SOX5: variants seen among roughly 807,000 people sequenced by gnomAD.
SOX5 encodes SRY-box transcription factor 5.
SOX5 carries 9 observed loss-of-function variants against 92.0 expected under a neutral mutation model. That is an observed-to-expected ratio of 0.10 (90% confidence interval 0.06 to 0.17). The LOEUF (loss-of-function observed/expected upper bound fraction) is 0.17, where lower values mean the gene tolerates loss of function less well. Among genes scored for constraint, SOX5 ranks in the 10% least tolerant of loss-of-function variants. The pLI is 1.00. For synonymous variants in SOX5, 344 were observed against 336.3 expected (o/e 1.02, Z -0.25); for missense variants, 642 against 944.5 (o/e 0.68, Z 4.20).
At chr12:23,779,724 A>G (rs2095221486) in intron 3 of SOX5, among the ~76,000 whole-genome samples, 1 of 148,886 alleles carries the variant, frequency 6.7e-6, no homozygotes, top group African/African-American at 2.5e-5. Flanking sequence ...GATCTCAAAC[A>G]TATGGCTTTG....
At chr12:23,986,598 G>C (rs1950085487) in intron 4 of SOX5, among the ~76,000 whole-genome samples, 1 of 152,126 alleles carries the variant, frequency 6.6e-6, no homozygotes, top group Admixed American at 6.6e-5. Flanking sequence ...TTAAAATGCA[G>C]TCAATCAACC....
chr12:24,126,086 T>G (rs1949078381), intron 4 of SOX5, among the ~76,000 whole-genome samples: 1 of 152,178 alleles, frequency 6.6e-6, no homozygotes, highest in South Asian at 2.1e-4. Flanking sequence ...TCCTCTAGCC[T>G]TCTCTGTAAA....
chr12:23,740,087 A>G (rs2140987999), intron 5 of SOX5, among the ~76,000 whole-genome samples: 1 of 152,298 alleles, frequency 6.6e-6, no homozygotes, highest in Middle Eastern at 3.4e-3. Context: ...AGTTTAAACC[A>G]CCATTTCTCT....
chr12:24,135,141 C>G (rs1452693306), intron 4 of SOX5, among the ~76,000 whole-genome samples: 1 of 152,214 alleles, frequency 6.6e-6, no homozygotes. Context: ...CACTCTACCC[C>G]AGACCTGCTC....
intron 4 of SOX5, among the ~76,000 whole-genome samples, chr12:23,986,663 G>T (rs1344912386): frequency 6.6e-6 from 1 of 152,130 alleles, no homozygotes; most frequent in Non-Finnish European, 1.5e-5. Context: ...TATCATGGAC[G>T]TGAATGATTT....
chr12:23,616,020 A>G (rs1337848966), intron 8 of SOX5, among the ~76,000 whole-genome samples: 2 of 152,200 alleles, frequency 1.3e-5, no homozygotes, highest in Non-Finnish European at 2.9e-5. Flanking sequence ...TACTTACACA[A>G]AAAGTAATTT....
At chr12:24,289,432 C>A (rs1039715709) in intron 2 of SOX5, among the ~76,000 whole-genome samples, 1 of 151,148 alleles carries the variant, frequency 6.6e-6, no homozygotes, top group East Asian at 2.0e-4. Flanking sequence ...TTCTTCAGGA[C>A]GGTCTTAAGG....
At chr12:23,631,126 T>C (rs2138412155) in intron 8 of SOX5, among the ~76,000 whole-genome samples, 1 of 152,136 alleles carries the variant, frequency 6.6e-6, no homozygotes, top group African/African-American at 2.4e-5. Context: ...TTAAATAGTT[T>C]TCTAGTATCA....
At position 24,182,336 on chromosome 12, in the gene SOX5, T is replaced by G. The variant is rs575834218; in HGVS notation, c.-2+31007A>C. Among the ~76,000 whole-genome samples the G allele has an allele frequency of 4.6e-5, 7 of 152,252 alleles. No homozygotes were observed. In the East Asian group the frequency reaches 1.3e-3, roughly 29 times the overall value. ...ATTTATAGCTTTGGGCTTAATTTAA[T>G]AACTTTAAGCAAGAACACTTAACTA... On this transcript the variant is annotated intron_variant, in intron 4 of 4. Transcript: ENST00000446891.
At chr12:24,123,607 T>C (rs909114156) in intron 4 of SOX5, among the ~76,000 whole-genome samples, 7 of 152,228 alleles carry the variant, frequency 4.6e-5, no homozygotes, top group African/African-American at 1.7e-4. Context: ...AAGTTGCATA[T>C]GCTGCAGTAA....
chr12:24,131,136 T>A (rs1229379330), intron 4 of SOX5, among the ~76,000 whole-genome samples: 1 of 152,212 alleles, frequency 6.6e-6, no homozygotes, highest in Admixed American at 6.5e-5. Context: ...ATCAAAATTA[T>A]TTTAATAACC....
chr12:23,954,416 CA>C (rs1418670849), upstream of SOX5, among the ~76,000 whole-genome samples: 1 of 148,786 alleles, frequency 6.7e-6, no homozygotes, highest in East Asian at 2.0e-4. Flanking sequence ...TACTTTGTCA[CA>C]AAAAATTAAA....
intron 7 of SOX5, among the ~76,000 whole-genome samples, chr12:23,653,065 T>C (rs982345089): frequency 9.9e-5 from 15 of 151,862 alleles, no homozygotes; most frequent in African/African-American, 3.4e-4. Context: ...GATGGATGGA[T>C]GGATGGATGG....
intron 11 of SOX5, among the ~76,000 whole-genome samples, chr12:23,559,700 T>C (rs1394892053): frequency 6.6e-6 from 1 of 151,916 alleles, no homozygotes; most frequent in African/African-American, 2.4e-5. Context: ...TTAATGTGTA[T>C]AAGGCTGTGT....
At chr12:23,807,634 G>C (rs1460509434) in intron 3 of SOX5, among the ~76,000 whole-genome samples, 6 of 142,334 alleles carry the variant, frequency 4.2e-5, no homozygotes, top group Non-Finnish European at 4.6e-5. Flanking sequence ...TGAAAGAACA[G>C]AAATTCCATT....
chr12:24,029,814 T>C (rs1162003691), intron 4 of SOX5, among the ~76,000 whole-genome samples: 2 of 152,038 alleles, frequency 1.3e-5, no homozygotes, highest in Non-Finnish European at 2.9e-5. Context: ...ATTATGTTTT[T>C]AATAGGAGGA....
chr12:23,755,816 C>T lies in SOX5; in HGVS notation c.482-92G>A, dbSNP rs1266667086. 6.8e-6 allele frequency: 5 copies of T among 736,992 alleles called. No homozygotes were observed. The African/African-American group carries it at 9.5e-5, about 14-fold the overall frequency. The allele number at this position is 736,992 out of a possible 1,614,324, so 45.7% of individuals were successfully genotyped here. ...TCTATCTGCTAAAAATAAGGCCATC[C>T]CTATCCCAGCCCCACTTCATAATGG... On this transcript the variant is annotated intron_variant, in intron 3 of 14. Coordinates refer to ENST00000451604, the MANE Select transcript of SOX5 (RefSeq NM_006940.6).
Position 23,768,122 on chromosome 12 carries a change from G to A in SOX5, c.482-12398C>T, listed in dbSNP as rs2094801013. 2.0e-5 allele frequency among the ~76,000 whole-genome samples: 3 copies of A among 151,934 alleles called. No homozygotes were observed. The South Asian group carries it at 6.2e-4, about 32-fold the overall frequency. On this transcript the variant is annotated intron_variant, in intron 3 of 14. Transcript: ENST00000451604. ...AAAATGCTTATTTACAACAGTCTAG[G>A]GGTTTTTGTGAAGTGCAATGAAACA...
chr12:24,526,629 C>CT (rs1312382446), intron 1 of SOX5, among the ~76,000 whole-genome samples: 1 of 151,974 alleles, frequency 6.6e-6, no homozygotes, highest in Non-Finnish European at 1.5e-5. Flanking sequence ...GAAGAGTGGG[C>CT]TCCCCCAACC....
Sources: allele counts gnomAD v4.1 joint callset (sites outside exome capture counted in the v4.1 genomes callset), GRCh38; gene constraint gnomAD v4.1.1; transcripts MANE v1.5; gene names NCBI Gene and HGNC (gene_info 2026-07-23, HGNC 2026-07-21).